SLC38A11: variants seen among roughly 807,000 people sequenced by gnomAD.
SLC38A11 encodes solute carrier family 38 member 11, also known as putative sodium-coupled neutral amino acid transporter 11.
In SLC38A11, 51 loss-of-function variants were observed where a neutral mutation model predicts 49.4. The ratio of observed to expected loss-of-function variants is 1.03; its 90% CI spans 0.83 to 1.30. The LOEUF (loss-of-function observed/expected upper bound fraction) is 1.30. Among genes scored for constraint, SLC38A11 ranks in the 50% most tolerant of loss-of-function variants. SLC38A11 has a pLI of 0.00. For missense variants in SLC38A11, 574 were observed against 556.2 expected (o/e 1.03, Z -0.32); for synonymous variants, 203 against 192.9 (o/e 1.05, Z -0.43).
At chr2:164,948,362 T>C (rs1330131324) in intron 3 of SLC38A11, among the ~76,000 whole-genome samples, 1 of 152,196 alleles carries the variant, frequency 6.6e-6, no homozygotes, top group Non-Finnish European at 1.5e-5. Flanking sequence ...GTGGTAGGTC[T>C]TTTTCCAAAT....
chr2:164,945,531 A>T, intron 4 of SLC38A11, 62 bp downstream of exon 4: 1 of 1,462,390 alleles, frequency 6.8e-7, no homozygotes, highest in Non-Finnish European at 9.2e-7. Flanking sequence ...AAAGTATTTT[A>T]TTCAGAAATG....
intron 9 of SLC38A11, among the ~76,000 whole-genome samples, chr2:164,913,071 A>C (rs538072667): frequency 4.9e-4 from 75 of 152,132 alleles, no homozygotes; most frequent in African/African-American, 1.7e-3. Flanking sequence ...AAAAAGAAGA[A>C]AAGCTATAAT....
At position 164,895,339 on chromosome 2, in the gene SLC38A11, G is replaced by A. The variant is rs923680612; in HGVS notation, c.*3098C>T. On this transcript the variant is annotated 3_prime_UTR_variant, in exon 12 of 12. Transcript: ENST00000685975. ...CAAATTATTATCCTTGCCACAGTTA[G>A]TAAAGCATTCATGGGTACCCTCACT... Among the ~76,000 whole-genome samples the A allele has an allele frequency of 2.0e-5, 3 of 152,140 alleles. No homozygotes were observed. Among genetic ancestry groups the A allele is most frequent in the Non-Finnish European group, 4.4e-5 (3 of 68,010 alleles).
intron 7 of SLC38A11, among the ~76,000 whole-genome samples, chr2:164,924,234 T>C (rs1686412912): frequency 6.6e-6 from 1 of 152,162 alleles, no homozygotes; most frequent in African/African-American, 2.4e-5. Context: ...GCAAATGCCA[T>C]ATGTTCTCAC....
intron 3 of SLC38A11, among the ~76,000 whole-genome samples, chr2:164,948,598 G>A (rs1688298552): frequency 6.6e-6 from 1 of 152,150 alleles, no homozygotes; most frequent in Admixed American, 6.5e-5. Context: ...CCTTGCCTAA[G>A]TCATTTTAAC....
intron 7 of SLC38A11, among the ~76,000 whole-genome samples, chr2:164,926,339 A>G (rs1359545540): frequency 6.6e-6 from 1 of 152,160 alleles, no homozygotes; most frequent in African/African-American, 2.4e-5. Context: ...CCTTTTATAC[A>G]CTGGCACAGC....
intron 7 of SLC38A11, among the ~76,000 whole-genome samples, chr2:164,934,217 G>GTAT (rs773545270): frequency 7.2e-5 from 11 of 152,042 alleles, no homozygotes; most frequent in Non-Finnish European, 1.0e-4. Flanking sequence ...ATTTCTCTAT[G>GTAT]TATTCATGAC....
At chr2:164,934,062 T>A (rs933859383) in intron 7 of SLC38A11, among the ~76,000 whole-genome samples, 1 of 152,104 alleles carries the variant, frequency 6.6e-6, no homozygotes. Flanking sequence ...TATTTGGCCA[T>A]AAAAATCATT....
intron 3 of SLC38A11, among the ~76,000 whole-genome samples, chr2:164,950,463 T>C (rs984233687): frequency 2.0e-5 from 3 of 152,194 alleles, no homozygotes; most frequent in Non-Finnish European, 4.4e-5. Context: ...TTTCATTTGC[T>C]TATAAAATAC....
intron 3 of SLC38A11, chr2:164,950,201 C>T (rs1688426644): frequency 6.6e-6 from 1 of 152,126 alleles, no homozygotes; most frequent in African/African-American, 2.4e-5. Flanking sequence ...ACGGCTTAGC[C>T]AAGGTCTGAA....
intron 11 of SLC38A11, among the ~76,000 whole-genome samples, chr2:164,907,270 C>CTTTTTTTTTTTTTTTTTTTTT (rs60527900): frequency 5.1e-5 from 5 of 97,918 alleles, no homozygotes; most frequent in Non-Finnish European, 9.6e-5. Flanking sequence ...CTTCTTTTCT[C>CTTTTTTTTTTTTTTTTTTTTT]TTTTTTTTTT....
intron 5 of SLC38A11, among the ~76,000 whole-genome samples, chr2:164,941,655 C>G (rs186684305): frequency 6.6e-6 from 1 of 151,822 alleles, no homozygotes; most frequent in South Asian, 2.1e-4. Flanking sequence ...TTATGAAGAG[C>G]GTTATTCATA....
chr2:164,919,072 C>G (rs1685997036), intron 7 of SLC38A11, among the ~76,000 whole-genome samples: 1 of 152,078 alleles, frequency 6.6e-6, no homozygotes, highest in African/African-American at 2.4e-5. Flanking sequence ...CATGATGGTT[C>G]ACGCCTGAAA....
intron 7 of SLC38A11, 70 bp downstream of exon 7, chr2:164,937,280 A>C (rs1478764112): frequency 2.0e-6 from 2 of 1,017,594 alleles, no homozygotes; most frequent in Non-Finnish European, 3.1e-6. Flanking sequence ...ATATTTCTGC[A>C]TTTATGCCAT....
At chr2:164,940,856 A>G (rs1687720495) in intron 5 of SLC38A11, among the ~76,000 whole-genome samples, 1 of 151,992 alleles carries the variant, frequency 6.6e-6, no homozygotes, top group Non-Finnish European at 1.5e-5. Flanking sequence ...CTAAATAGTC[A>G]TTATAAAATT....
At chr2:164,945,524 G>C (rs1688044966) in intron 4 of SLC38A11, 69 bp downstream of exon 4, 2 of 1,418,508 alleles carry the variant, frequency 1.4e-6, no homozygotes, top group Non-Finnish European at 1.9e-6. Flanking sequence ...ACTATTAAAA[G>C]TATTTTATTC....
chr2:164,928,837 A>G (rs1686781025), intron 7 of SLC38A11, among the ~76,000 whole-genome samples: 1 of 152,094 alleles, frequency 6.6e-6, no homozygotes, highest in Admixed American at 6.6e-5. Flanking sequence ...TGTGTTCACA[A>G]TTTACTCCTT....
rs938282209 is a variant in SLC38A11 at position 164,894,557 on chromosome 2, A to G, written c.*3880T>C. ...TGGAAAACTTGGTGTTCTTTTGAGA[A>G]ACTGATATATTTTCTTCATTCTCAC... is the stretch of plus-strand genomic sequence containing the variant. On this transcript the variant is annotated 3_prime_UTR_variant, in exon 12 of 12. Transcript: ENST00000685975. Among the ~76,000 whole-genome samples, 4 of 152,108 alleles carry G rather than the reference A, an allele frequency of 2.6e-5. No individual in the cohort carries two copies. Among genetic ancestry groups the G allele is most frequent in the African/African-American group, 9.7e-5 (4 of 41,430 alleles).
intron 7 of SLC38A11, among the ~76,000 whole-genome samples, chr2:164,921,428 C>T (rs1433789515): frequency 6.6e-6 from 1 of 152,078 alleles, no homozygotes; most frequent in Non-Finnish European, 1.5e-5. Flanking sequence ...CTCAAGAGGT[C>T]CTCCAGCCTC....
Sources: gnomAD v4.1 joint callset for allele counts (sites outside exome capture counted in the v4.1 genomes callset) on GRCh38, gnomAD v4.1.1 for gene constraint, MANE v1.5 for transcripts, NCBI Gene and HGNC (gene_info 2026-07-23, HGNC 2026-07-21) for gene names.